AKR1B1: variants seen among roughly 807,000 people sequenced by gnomAD.
AKR1B1 encodes aldo-keto reductase family 1 member B.
In AKR1B1, 22 loss-of-function variants were observed where a neutral mutation model predicts 40.4. The ratio of observed to expected loss-of-function variants is 0.54; its 90% CI spans 0.39 to 0.78. The LOEUF (loss-of-function observed/expected upper bound fraction) is 0.78. Ranked by LOEUF, AKR1B1 falls within the 30% of genes least tolerant of loss-of-function variation. The pLI, the probability that AKR1B1 is intolerant of heterozygous loss-of-function variation, is 0.00. For synonymous variants in AKR1B1, 157 were observed against 149.9 expected (o/e 1.05, Z -0.35); for missense variants, 357 against 396.7 (o/e 0.90, Z 0.85).
intron 9 of AKR1B1, among the ~76,000 whole-genome samples, chr7:134,444,479 T>C (rs1394606809): frequency 1.3e-5 from 2 of 152,248 alleles, no homozygotes; most frequent in African/African-American, 2.4e-5. Flanking sequence ...TCTTAGGGAA[T>C]GTTCACATTT....
At chr7:134,454,254 A>T (rs1045215952) in intron 1 of AKR1B1, among the ~76,000 whole-genome samples, 1 of 152,194 alleles carries the variant, frequency 6.6e-6, no homozygotes, top group African/African-American at 2.4e-5. Context: ...TTGGGCAGTG[A>T]CTTGAAATGC....
At chr7:134,454,229 C>G (rs1465381208) in intron 1 of AKR1B1, among the ~76,000 whole-genome samples, 2 of 152,234 alleles carry the variant, frequency 1.3e-5, no homozygotes, top group African/African-American at 2.4e-5. Context: ...ACTTCTGGCT[C>G]TGCAAAGCTC....
intron 2 of AKR1B1, 146 bp downstream of exon 2, chr7:134,451,440 G>C: frequency 2.0e-6 from 2 of 1,002,308 alleles, no homozygotes; most frequent in Non-Finnish European, 3.1e-6. Context: ...CTGGAGCCCT[G>C]TATGGCCGTG....
At chr7:134,445,097 G>A in intron 9 of AKR1B1, 141 bp downstream of exon 9, 1 of 770,616 alleles carries the variant, frequency 1.3e-6, no homozygotes. Context: ...AAGTCACGTG[G>A]CTGAGAAAGC....
In AKR1B1 at chr7:134,458,175, A is replaced by G. The variant is rs560275396; in HGVS notation, c.66+822T>C. Among the ~76,000 whole-genome samples the G allele has an allele frequency of 1.3e-3, 193 of 151,436 alleles. 1 individual carries two copies. Among genetic ancestry groups the G allele is most frequent in the Non-Finnish European group, 2.1e-3 (142 of 67,934 alleles). On this transcript the variant is annotated intron_variant, in intron 1 of 9. Coordinates refer to ENST00000285930, the MANE Select transcript of AKR1B1 (RefSeq NM_001628.4). ...GCTATTATTTTTGGTTTTTCATATC[A>G]TATTATCATTTTTCATATCCTATGA...
In AKR1B1 at chr7:134,454,515, C is replaced by G. The variant is rs149083218; in HGVS notation, c.67-2762G>C. 4.1e-3 allele frequency among the ~76,000 whole-genome samples: 626 copies of G among 152,316 alleles called. 2 individuals carry two copies. Among genetic ancestry groups the G allele is most frequent in the African/African-American group, 0.014 (601 of 41,570 alleles). ...TTCAAGATACCCCTCCCTCTCTTCCCTCTGCAAGTCAAAAAGCAAGCCACA... is the reference window on the plus strand; with the variant it reads ...TTCAAGATACCCCTCCCTCTCTTCCGTCTGCAAGTCAAAAAGCAAGCCACA... On this transcript the variant is annotated intron_variant, in intron 1 of 9. Transcript: ENST00000285930.
intron 1 of AKR1B1, among the ~76,000 whole-genome samples, chr7:134,457,758 T>C (rs1248909943): frequency 6.6e-6 from 1 of 152,132 alleles, no homozygotes; most frequent in Admixed American, 6.6e-5. Flanking sequence ...CCTGTAGCTT[T>C]GGGAGGCGAG....
At chr7:134,453,650 G>A (rs1806361713) in intron 1 of AKR1B1, among the ~76,000 whole-genome samples, 1 of 152,118 alleles carries the variant, frequency 6.6e-6, no homozygotes, top group Non-Finnish European at 1.5e-5. Context: ...GTTGTGAGAG[G>A]TTTTTCTAGA....
Position 134,451,741 on chromosome 7 carries a change from G to A in AKR1B1, c.79C>T (p.Gln27Ter), listed in dbSNP as rs1462112449. 1.9e-6 allele frequency: 3 copies of A among 1,614,012 alleles called. No individual in the cohort carries two copies. Among genetic ancestry groups the A allele is most frequent in the Non-Finnish European group, 2.5e-6 (3 of 1,180,020 alleles). ...GCCACCTTCACGGCCTCAGTCACCTGCCCTGGAGGGGACTGAAAGGAGAAA... is the reference window on the plus strand; with the variant it reads ...GCCACCTTCACGGCCTCAGTCACCTACCCTGGAGGGGACTGAAAGGAGAAA... ...GLGTWKSPPG[Q>*]VTEAVKVAID... is the part of the protein sequence containing the mutation. The change falls in exon 2 of 10, where the codon CAG becomes TAG. Residue 27 changes from glutamine (Q) to a stop codon, truncating the protein, a stop_gained. Coordinates refer to ENST00000285930, the MANE Select transcript of AKR1B1 (RefSeq NM_001628.4). LOFTEE classifies it high-confidence loss of function.
At chr7:134,458,787 G>A (rs1806574303) in intron 1 of AKR1B1, among the ~76,000 whole-genome samples, 1 of 152,098 alleles carries the variant, frequency 6.6e-6, no homozygotes, top group Non-Finnish European at 1.5e-5. Context: ...ATGCTGCCCT[G>A]ACGCCCAGGG....
intron 1 of AKR1B1, 106 bp from the exon 2 acceptor site, chr7:134,451,859 C>G: frequency 8.0e-7 from 1 of 1,246,856 alleles, no homozygotes; most frequent in Non-Finnish European, 1.1e-6. Context: ...CCACTTTGTT[C>G]AGCAAAGACA....
chr7:134,445,516 G>A (rs1252835775), intron 8 of AKR1B1, among the ~76,000 whole-genome samples, 196 bp from the exon 9 acceptor site: 1 of 152,212 alleles, frequency 6.6e-6, no homozygotes, highest in Non-Finnish European at 1.5e-5. Flanking sequence ...GATGGAAACA[G>A]TCCTTCCTTT....
At chr7:134,447,784 G>A (rs1806148760) in intron 7 of AKR1B1, 196 bp downstream of exon 7, 1 of 683,930 alleles carries the variant, frequency 1.5e-6, no homozygotes, top group Non-Finnish European at 2.7e-6. Context: ...AGTGGGGGCA[G>A]GCACTATTAA....
At chr7:134,455,151 C>T (rs1806429262) in intron 1 of AKR1B1, among the ~76,000 whole-genome samples, 1 of 152,132 alleles carries the variant, frequency 6.6e-6, no homozygotes. Context: ...TTTCTTTTAC[C>T]TCATGCATTC....
At chr7:134,454,748 G>A (rs547617196) in intron 1 of AKR1B1, among the ~76,000 whole-genome samples, 2 of 152,304 alleles carry the variant, frequency 1.3e-5, no homozygotes, top group South Asian at 2.1e-4. Flanking sequence ...GTAAAGAAAC[G>A]GTCCTGAGTA....
At position 134,452,605 on chromosome 7, in the gene AKR1B1, T is replaced by C. The variant is rs954215492; in HGVS notation, c.67-852A>G. Reference sequence around the variant, plus strand: ...GCATCGCGCTTCACTGGCACCCAGGTAGGCTGCATGGACACGTATCCCCCA... The same window carrying C: ...GCATCGCGCTTCACTGGCACCCAGGCAGGCTGCATGGACACGTATCCCCCA... On this transcript the variant is annotated intron_variant, in intron 1 of 9. Coordinates refer to ENST00000285930, the MANE Select transcript of AKR1B1 (RefSeq NM_001628.4). Among the ~76,000 whole-genome samples the C allele has an allele frequency of 3.9e-5, 6 of 152,260 alleles. No individual in the cohort carries two copies. The South Asian group carries it at 1.2e-3, about 32-fold the overall frequency.
chr7:134,459,157 C>T (rs547000815), upstream of AKR1B1: 92 of 1,446,290 alleles, frequency 6.4e-5, no homozygotes, highest in Non-Finnish European at 8.3e-5. Context: ...GAAAGGGCGC[C>T]TGCGGTTGGC....
intron 7 of AKR1B1, chr7:134,447,593 C>T: frequency 4.6e-6 from 3 of 651,482 alleles, no homozygotes; most frequent in Non-Finnish European, 8.4e-6. Context: ...GCCACTGTGC[C>T]ACACGCTTCA....
chr7:134,448,281 T>C (rs1223603524), intron 6 of AKR1B1, 106 bp downstream of exon 6: 1 of 1,117,774 alleles, frequency 8.9e-7, no homozygotes, highest in African/African-American at 1.6e-5. Flanking sequence ...AGGGGAAGTT[T>C]TGCAGATCAC....
Sources: allele counts gnomAD v4.1 joint callset (sites outside exome capture counted in the v4.1 genomes callset), GRCh38; gene constraint gnomAD v4.1.1; transcripts MANE v1.5; gene names NCBI Gene and HGNC (gene_info 2026-07-23, HGNC 2026-07-21).